The following GRB14 variants were observed in gnomAD, a reference collection of about 807,000 sequenced individuals.
GRB14 encodes the protein growth factor receptor bound protein 14, also known as growth factor receptor-bound protein 14.
A neutral mutation model predicts 69.1 loss-of-function variants in GRB14; 38 were observed. The observed-to-expected ratio is 0.55, with a 90% confidence interval of 0.42 to 0.72. The LOEUF is 0.72. Ranked by LOEUF, GRB14 falls within the 30% of genes least tolerant of loss-of-function variation. GRB14 has a pLI of 0.00. For synonymous variants in GRB14, 247 were observed against 241.3 expected, an observed-to-expected ratio of 1.02 and a Z score of -0.22; for missense variants, 666 against 666.1, an observed-to-expected ratio of 1.00 and a Z score of 0.00.
chr2:164,536,852 G>T (rs1355427129), intron 3 of GRB14, among the ~76,000 whole-genome samples: 1 of 152,158 alleles, frequency 6.6e-6, no homozygotes, highest in African/African-American at 2.4e-5. Context: ...CACACGGCTT[G>T]TTTCTCACAC....
intron 2 of GRB14, among the ~76,000 whole-genome samples, chr2:164,571,296 A>AAC (rs1345611106): frequency 1.3e-5 from 2 of 152,186 alleles, no homozygotes; most frequent in Non-Finnish European, 2.9e-5. Context: ...TATGACCAAA[A>AAC]CTTTCAGAAC....
In GRB14 at chr2:164,525,738, A is replaced by G. The variant is rs543396386; in HGVS notation, c.604-660T>C. On this transcript the variant is annotated intron_variant, in intron 4 of 13. Transcript: ENST00000263915. ...CAAGTTTGGGAAAATATATTCTACT[A>G]TATTTCCTCTAGGACAGGGTTTTTC... Among the ~76,000 whole-genome samples, 6 of 152,148 alleles carry G rather than the reference A, an allele frequency of 3.9e-5. No individual in the cohort carries two copies. The South Asian group carries it at 8.3e-4, about 21-fold the overall frequency.
Position 164,619,790 on chromosome 2 carries a change from T to A in GRB14, c.221A>T (p.Glu74Val). Reference protein sequence around the residue: ...RRKKKDLDVPEMPSIPNPFPE... With the variant: ...RRKKKDLDVPVMPSIPNPFPE... Reference sequence around the variant, plus strand: ...AAAAGGGTTTGGAATAGATGGCATTTCCGGAACATCAAGATCTTTCTTTTT... The same window carrying A: ...AAAAGGGTTTGGAATAGATGGCATTACCGGAACATCAAGATCTTTCTTTTT... The change falls in exon 2 of 14, where the codon GAA becomes GTA. Residue 74 changes from glutamate to valine, a missense_variant. Glu to Val is a moderately radical substitution (Grantham distance 121, BLOSUM62 -2). Transcript: ENST00000263915. The A allele has an allele frequency of 6.2e-7, 1 of 1,611,096 alleles. No individual in the cohort carries two copies. Among genetic ancestry groups the A allele is most frequent in the African/African-American group, 1.3e-5 (1 of 74,942 alleles).
chr2:164,511,773 T>C (rs1424186024), intron 6 of GRB14, among the ~76,000 whole-genome samples: 2 of 152,078 alleles, frequency 1.3e-5, no homozygotes, highest in Non-Finnish European at 2.9e-5. Context: ...TCCTGTATGT[T>C]CAATGTATGT....
chr2:164,556,673 T>C (rs1305027050), intron 2 of GRB14, among the ~76,000 whole-genome samples: 2 of 152,180 alleles, frequency 1.3e-5, no homozygotes, highest in East Asian at 3.9e-4. Context: ...TATCTTAGGA[T>C]AAACCATTAT....
intron 2 of GRB14, among the ~76,000 whole-genome samples, chr2:164,616,555 C>T (rs1690304140): frequency 1.3e-5 from 2 of 149,248 alleles, no homozygotes; most frequent in Non-Finnish European, 3.0e-5. Context: ...AGTGATAAAA[C>T]ATATCCCATT....
At chr2:164,553,206 A>T (rs10167297) in intron 2 of GRB14, among the ~76,000 whole-genome samples, 111,228 of 151,602 alleles carry the variant, frequency 0.73, 41,342 homozygotes, top group Non-Finnish European at 0.79. Flanking sequence ...AATTTTTTTT[A>T]AAAAAGGGCT....
rs1359447278 is a variant in GRB14, at chr2:164,621,472, G to T, written c.-163C>A. On this transcript the variant is annotated 5_prime_UTR_variant, in exon 1 of 14. Transcript: ENST00000263915. This position sits in a 1 kb window ranked among gnomAD's most constrained non-coding sequence, Gnocchi z 6.0. ...GCCCCGGCGGCTGAGACGCGCGGCC[G>T]AGCTATCTGCGAGGCGGCGGGGGAG... 5 of 292,480 alleles carry T rather than the reference G, an allele frequency of 1.7e-5. No individual in the cohort carries two copies. Among genetic ancestry groups the T allele is most frequent in the African/African-American group, 1.1e-4 (5 of 43,986 alleles). 18.1% of individuals were successfully genotyped at this position (292,480 alleles called of 1,614,324 possible).
At chr2:164,524,923 T>C in intron 5 of GRB14, 81 bp downstream of exon 5, 1 of 740,214 alleles carries the variant, frequency 1.4e-6, no homozygotes. Context: ...CTTTTCAAAA[T>C]CTGGGCATGT....
At chr2:164,543,143 A>T (rs187370846) in intron 3 of GRB14, among the ~76,000 whole-genome samples, 87 of 136,614 alleles carry the variant, frequency 6.4e-4, no homozygotes, top group Admixed American at 9.8e-4. Context: ...AAATAAAATT[A>T]AAAAAAAAAT....
intron 2 of GRB14, among the ~76,000 whole-genome samples, chr2:164,599,610 T>C (rs565251208): frequency 5.9e-5 from 9 of 152,172 alleles, no homozygotes; most frequent in Non-Finnish European, 1.2e-4. Context: ...CTGTAACTAA[T>C]AGAGAATTGA....
intron 6 of GRB14, among the ~76,000 whole-genome samples, chr2:164,519,261 G>A (rs1192360881): frequency 6.6e-6 from 1 of 151,906 alleles, no homozygotes; most frequent in Non-Finnish European, 1.5e-5. Flanking sequence ...ACAGAATTTA[G>A]AACAAAAATC....
At chr2:164,524,406 T>G (rs867150972) in intron 5 of GRB14, among the ~76,000 whole-genome samples, 5 of 152,084 alleles carry the variant, frequency 3.3e-5, no homozygotes, top group South Asian at 2.1e-4. Flanking sequence ...TTCAAGCCAC[T>G]GCCAGTTTGG....
At chr2:164,528,844 T>C (rs1687849401) in intron 3 of GRB14, among the ~76,000 whole-genome samples, 1 of 152,170 alleles carries the variant, frequency 6.6e-6, no homozygotes, top group South Asian at 2.1e-4. Flanking sequence ...ACAGTATGTC[T>C]AAAACCAAAG....
chr2:164,555,187 G>A (rs1044577015), intron 2 of GRB14, among the ~76,000 whole-genome samples: 3 of 152,198 alleles, frequency 2.0e-5, no homozygotes, highest in Non-Finnish European at 1.5e-5. Context: ...TCCAAGGAAT[G>A]GGATGGCATG....
Position 164,564,247 on chromosome 2 carries a change from C to A in GRB14, c.325-16431G>T, listed in dbSNP as rs1050040041. Among the ~76,000 whole-genome samples the A allele has an allele frequency of 1.1e-4, 17 of 152,260 alleles. No homozygotes were observed. In the South Asian group the frequency reaches 3.1e-3, roughly 28 times the overall value. On this transcript the variant is annotated intron_variant, in intron 2 of 13. Transcript: ENST00000263915. ...TACAGATTTTAAAAGCCGTTTGAAG[C>A]CCAAGGAGGCAAACGATATGCTGCA... is the stretch of plus-strand genomic sequence containing the variant.
chr2:164,553,262 A>G (rs562080284), intron 2 of GRB14, among the ~76,000 whole-genome samples: 1 of 152,204 alleles, frequency 6.6e-6, no homozygotes, highest in African/African-American at 2.4e-5. Context: ...AAAGTGACTA[A>G]ATAATCAGGA....
chr2:164,527,067 T>C lies in GRB14; in HGVS notation c.550A>G (p.Lys184Glu). ...LSNWGIEEEN[K>E]LYFRKNYAKY... ...GCATAATTTTTTCTAAAGTATAGTT[T>C]GTTTTCTTCTTCTATCCCCCAGTTG... Residue 184 changes from lysine (K) to glutamate (E), a missense_variant, in exon 4 of 14, where the codon AAA (lysine) becomes GAA (glutamate). Lys to Glu is a moderately conservative substitution (Grantham distance 56). Transcript: ENST00000263915. 6.3e-7 allele frequency: 1 copy of C among 1,592,524 alleles called. No homozygotes were observed.
intron 3 of GRB14, among the ~76,000 whole-genome samples, chr2:164,532,571 G>A (rs1016206742): frequency 6.6e-6 from 1 of 152,118 alleles, no homozygotes; most frequent in African/African-American, 2.4e-5. Flanking sequence ...GACAGAGGCA[G>A]GTGATTTAAC....
Sources: gnomAD v4.1 joint callset for allele counts (sites outside exome capture counted in the v4.1 genomes callset) on GRCh38, gnomAD v4.1.1 for gene constraint, Gnocchi (gnomAD v3.1) non-coding constraint, MANE v1.5 for transcripts, NCBI Gene and HGNC (gene_info 2026-07-23, HGNC 2026-07-21) for gene names.